VIRMA: variants seen among roughly 807,000 people sequenced by gnomAD.
VIRMA encodes the protein vir like m6A methyltransferase associated, also known as protein virilizer homolog.
VIRMA carries 65 observed loss-of-function variants against 182.4 expected under a neutral mutation model. The observed-to-expected ratio is 0.36, with a 90% confidence interval of 0.29 to 0.44. The LOEUF (loss-of-function observed/expected upper bound fraction) is 0.44. VIRMA is among the 20% of genes least tolerant of loss of function. The pLI, the probability that VIRMA is intolerant of heterozygous loss-of-function variation, is 1.00. For synonymous variants in VIRMA, 709 were observed against 743.1 expected (o/e 0.95, Z 0.75); for missense variants, 1,752 against 2,158.1 (o/e 0.81, Z 3.73).
At chr8:94,537,548 A>T (rs1412208388) in intron 3 of VIRMA, among the ~76,000 whole-genome samples, 3 of 152,170 alleles carry the variant, frequency 2.0e-5, no homozygotes, top group Non-Finnish European at 2.9e-5. Context: ...ACCTGCTTCA[A>T]ATTATCTAAG....
intron 16 of VIRMA, among the ~76,000 whole-genome samples, chr8:94,504,422 T>C (rs772470524): frequency 7.9e-5 from 12 of 152,182 alleles, no homozygotes; most frequent in Non-Finnish European, 1.6e-4. Flanking sequence ...CCCAGGATAT[T>C]ACCATGTTTT....
chr8:94,544,599 T>C (rs1396977555), intron 1 of VIRMA, among the ~76,000 whole-genome samples: 3 of 148,094 alleles, frequency 2.0e-5, no homozygotes, highest in African/African-American at 5.0e-5. Flanking sequence ...AGGCAGAGCT[T>C]GCAGTGTGCT....
chr8:94,541,750 T>C (rs1386615099), intron 2 of VIRMA, among the ~76,000 whole-genome samples: 1 of 152,122 alleles, frequency 6.6e-6, no homozygotes, highest in Non-Finnish European at 1.5e-5. Context: ...CCATGTTGGC[T>C]AGGCTGGTCT....
At position 94,535,025 on chromosome 8, in the gene VIRMA, CA is replaced by C. The variant is rs746743764; in HGVS notation, c.316-19del. 50 of 1,544,254 alleles carry C rather than the reference CA, an allele frequency of 3.2e-5. No homozygotes were observed. The highest frequency in any genetic ancestry group is 1.6e-4 in the Admixed American group (7 of 44,016). ...GTATTCACCTGATTTTCAGGGAGGG[CA>C]AAAAAAATCTTTCAAAGTCATGTTT... On this transcript the variant is annotated intron_variant, in intron 4 of 23. Transcript: ENST00000297591.
chr8:94,523,039 T>C (rs1289560187), intron 8 of VIRMA, among the ~76,000 whole-genome samples: 1 of 152,224 alleles, frequency 6.6e-6, no homozygotes, highest in African/African-American at 2.4e-5. Flanking sequence ...TTCTTCTCAG[T>C]GACTGAAAAC....
chr8:94,491,768 T>C lies in VIRMA; in HGVS notation c.4950A>G (p.Pro1650=), dbSNP rs1304418430. Reference sequence around the variant, plus strand: ...CAACAAAGTCATCCACATGCATAGATGGTGGTCTACTTGTGTTCTGTTTTC... The same window carrying C: ...CAACAAAGTCATCCACATGCATAGACGGTGGTCTACTTGTGTTCTGTTTTC... ...RQRKQNTSRP[P]SMHVDDFVAA... is the part of the protein sequence containing the mutation. The change falls in exon 22 of 24, where the codon CCA becomes CCG. Residue 1650 remains proline (P), a synonymous_variant. Coordinates refer to ENST00000297591, the MANE Select transcript of VIRMA (RefSeq NM_015496.5). 6.2e-6 allele frequency: 10 copies of C among 1,614,080 alleles called. No homozygotes were observed. The highest frequency in any genetic ancestry group is 2.2e-5 in the South Asian group (2 of 91,060).
rs762579896 is a variant in VIRMA, at chr8:94,489,963, G to A, written c.5260C>T (p.Pro1754Ser). The change falls in exon 23 of 24, where the codon CCA becomes TCA. Residue 1754 changes from proline to serine, a missense_variant. Coordinates refer to ENST00000297591, the MANE Select transcript of VIRMA (RefSeq NM_015496.5). Reference protein sequence around the residue: ...QSNFNRGPLPPLRPLSSTGYR... With the variant: ...QSNFNRGPLPSLRPLSSTGYR... ...CCTGTAGAACTAAGGGGTCGTAATG[G>A]TGGAAGAGGGCCTCTGTTAAAATTG... 60 of 1,613,996 alleles carry A rather than the reference G, an allele frequency of 3.7e-5. No homozygotes were observed. The highest frequency in any genetic ancestry group is 4.6e-5 in the Non-Finnish European group (54 of 1,180,020).
intron 6 of VIRMA, among the ~76,000 whole-genome samples, chr8:94,529,836 C>T (rs555359682): frequency 1.5e-3 from 230 of 152,122 alleles, no homozygotes; most frequent in Non-Finnish European, 2.6e-3. Context: ...GATGGGGTTT[C>T]ACTATGTTGG....
chr8:94,528,848 A>G (rs533142119), intron 7 of VIRMA, among the ~76,000 whole-genome samples: 17 of 152,352 alleles, frequency 1.1e-4, no homozygotes, highest in Non-Finnish European at 2.5e-4. Flanking sequence ...ACAGTCAGGC[A>G]GTTTAGGCTG....
chr8:94,549,504 A>G (rs912304430), intron 1 of VIRMA, among the ~76,000 whole-genome samples: 1 of 152,198 alleles, frequency 6.6e-6, no homozygotes, highest in African/African-American at 2.4e-5. Context: ...CCACACTCTT[A>G]CCATCATTAG....
intron 1 of VIRMA, among the ~76,000 whole-genome samples, chr8:94,546,405 T>C (rs1309751237): frequency 1.3e-5 from 2 of 151,088 alleles, no homozygotes; most frequent in Non-Finnish European, 2.9e-5. Flanking sequence ...TCATCCTCTC[T>C]CTTCTATATC....
chr8:94,553,045 G>GT, intron 1 of VIRMA, among the ~76,000 whole-genome samples: 1 of 151,940 alleles, frequency 6.6e-6, no homozygotes, highest in South Asian at 2.1e-4. Context: ...AACACTACTG[G>GT]CAAACCAAGA....
intron 10 of VIRMA, among the ~76,000 whole-genome samples, chr8:94,515,664 G>A (rs1001412226): frequency 1.3e-5 from 2 of 151,888 alleles, no homozygotes; most frequent in Admixed American, 6.6e-5. Flanking sequence ...GAGCCACCGC[G>A]CCCAGCTTAA....
At chr8:94,553,241 C>T (rs1816069074) in intron 1 of VIRMA, 144 bp downstream of exon 1, 1 of 800,894 alleles carries the variant, frequency 1.2e-6, no homozygotes, top group Non-Finnish European at 2.1e-6. Flanking sequence ...ACGCGATGCT[C>T]ACACAGCTCG....
chr8:94,527,716 A>T (rs764925371), intron 7 of VIRMA, among the ~76,000 whole-genome samples: 2 of 152,092 alleles, frequency 1.3e-5, no homozygotes, highest in Non-Finnish European at 2.9e-5. Flanking sequence ...TCAGGAGGAA[A>T]GAAATTATGC....
chr8:94,550,570 G>A (rs1815947740), intron 1 of VIRMA, among the ~76,000 whole-genome samples: 1 of 152,134 alleles, frequency 6.6e-6, no homozygotes, highest in Admixed American at 6.5e-5. Flanking sequence ...GGGATTACAG[G>A]CATGAGCCAC....
At chr8:94,502,508 A>C (rs1223671319) in intron 16 of VIRMA, among the ~76,000 whole-genome samples, 1 of 151,990 alleles carries the variant, frequency 6.6e-6, no homozygotes, top group Non-Finnish European at 1.5e-5. Flanking sequence ...TGTAGATAAA[A>C]TGTAAAAAGA....
intron 5 of VIRMA, among the ~76,000 whole-genome samples, chr8:94,531,444 T>C (rs1172402686): frequency 2.6e-5 from 4 of 152,208 alleles, no homozygotes; most frequent in African/African-American, 9.6e-5. Context: ...AATTAACTAA[T>C]AAACTTTTCC....
intron 15 of VIRMA, among the ~76,000 whole-genome samples, chr8:94,508,717 C>A (rs576264629): frequency 3.4e-4 from 51 of 149,842 alleles, no homozygotes; most frequent in South Asian, 8.7e-4. Context: ...AAAAAAAGTT[C>A]TTTCTTGACC....
Sources: allele counts gnomAD v4.1 joint callset (sites outside exome capture counted in the v4.1 genomes callset), GRCh38; gene constraint gnomAD v4.1.1; transcripts MANE v1.5; gene names NCBI Gene and HGNC (gene_info 2026-07-23, HGNC 2026-07-21).